VPS35: variants seen among roughly 807,000 people sequenced by gnomAD.
The protein encoded by VPS35 is vacuolar protein sorting-associated protein 35.
A neutral mutation model predicts 98.1 loss-of-function variants in VPS35; 21 were observed. The ratio of observed to expected loss-of-function variants is 0.21; its 90% CI spans 0.15 to 0.31. The LOEUF is 0.31. Ranked by LOEUF, VPS35 falls within the 10% of genes least tolerant of loss-of-function variation. The probability of loss-of-function intolerance (pLI) is 1.00; values close to 1 mark genes in which losing one functional copy is unlikely to be tolerated. For synonymous variants in VPS35, 268 were observed against 318.2 expected (o/e 0.84, Z 1.68); for missense variants, 554 against 950.8 (o/e 0.58, Z 5.49).
At position 46,672,316 on chromosome 16, in the gene VPS35, A is replaced by G. The variant is rs187425753; in HGVS notation, c.1317T>C (p.Tyr439=). The G allele has an allele frequency of 2.1e-4, 336 of 1,613,884 alleles. 1 individual carries two copies. The East Asian group carries it at 7.3e-3, about 35-fold the overall frequency. The change falls in exon 11 of 17, where the codon TAT becomes TAC. Residue 439 remains tyrosine, a synonymous_variant. Coordinates refer to ENST00000299138, the MANE Select transcript of VPS35 (RefSeq NM_018206.6). The part of the protein sequence containing the change: ...DYESRKSMSC[Y]VLSNVLDYNT... The stretch of plus-strand genomic sequence containing the variant: ...TATAATCCAGAACATTACTAAGCAC[A>G]TAACAACTCATGCTCTTTCTGGACT...
At chr16:46,671,054 G>GTT (rs1414360527) in intron 12 of VPS35, among the ~76,000 whole-genome samples, 2 of 151,254 alleles carry the variant, frequency 1.3e-5, no homozygotes, top group Non-Finnish European at 2.9e-5. Context: ...CAGGCAACAT[G>GTT]TTTTATCCAT....
chr16:46,665,251 A>C (rs1965971118), intron 13 of VPS35, among the ~76,000 whole-genome samples: 1 of 152,228 alleles, frequency 6.6e-6, no homozygotes, highest in Admixed American at 6.5e-5. Context: ...ATCATGATTG[A>C]CTATCCAAAT....
chr16:46,668,908 A>G (rs1966027713), intron 13 of VPS35, 22 bp downstream of exon 13: 2 of 1,613,658 alleles, frequency 1.2e-6, no homozygotes, highest in Non-Finnish European at 1.7e-6. Context: ...AAAAGTACCT[A>G]AATACTTAAA....
intron 13 of VPS35, among the ~76,000 whole-genome samples, chr16:46,666,659 T>C (rs1431845072): frequency 6.6e-6 from 1 of 152,230 alleles, no homozygotes; most frequent in Non-Finnish European, 1.5e-5. Context: ...AATGAAGTCA[T>C]ATAGTATTTG....
rs753188016 is a variant in VPS35, at chr16:46,658,305, G to T, written c.*2167C>A. 1 of 153,670 alleles carries T rather than the reference G, an allele frequency of 6.5e-6. No homozygotes were observed. The highest frequency in any genetic ancestry group is 6.5e-5 in the Admixed American group (1 of 15,270). The allele number at this position is 153,670 out of a possible 1,614,324, so 9.5% of individuals were successfully genotyped here. A position where few individuals can be genotyped will look rare whatever the true frequency, so the allele number is the denominator to read the frequency against. ...CCTGCACAAACCCTTACCATCTTCTGTAACTACAGGTCTGTCTTCACAGCA... is the reference window on the plus strand; with the variant it reads ...CCTGCACAAACCCTTACCATCTTCTTTAACTACAGGTCTGTCTTCACAGCA... On this transcript the variant is annotated 3_prime_UTR_variant, in exon 17 of 17. Transcript: ENST00000299138.
rs921382439 is a variant in VPS35 at position 46,657,420 on chromosome 16, A to G, written c.*3052T>C. 2.6e-5 allele frequency: 4 copies of G among 152,324 alleles called. No homozygotes were observed. The Middle Eastern group carries it at 0.01, about 389-fold the overall frequency. 9.4% of individuals were successfully genotyped at this position (152,324 alleles called of 1,614,324 possible). ...AAATGTTAACAGAAGACCCCTCTGG[A>G]ACCTAGACTTTGTGTTTAAATCCCC... On this transcript the variant is annotated 3_prime_UTR_variant, in exon 17 of 17. Coordinates refer to ENST00000299138, the MANE Select transcript of VPS35 (RefSeq NM_018206.6).
intron 7 of VPS35, among the ~76,000 whole-genome samples, chr16:46,677,062 T>A (rs1159519767): frequency 3.3e-5 from 5 of 151,888 alleles, no homozygotes; most frequent in East Asian, 1.9e-4. Flanking sequence ...ACTAAAAAAA[T>A]TTTTTTAATT....
intron 1 of VPS35, chr16:46,688,827 T>C: frequency 7.2e-7 from 1 of 1,380,306 alleles, no homozygotes. Context: ...GGTGACCGAT[T>C]CCACTTAAAG....
chr16:46,660,485 C>A lies in VPS35; in HGVS notation c.2378G>T (p.Gly793Val). ...SPESEGPIYE[G>V]LIL ...GCTATTTCCTTTTTAAAGGATGAGA[C>A]CTTCATAAATTGGCCCCTCGGATTC... Residue 793 changes from glycine (G) to valine (V), a missense_variant, in exon 17 of 17, where the codon GGT becomes GTT. Gly to Val is a moderately radical substitution (Grantham distance 109). Coordinates refer to ENST00000299138, the MANE Select transcript of VPS35 (RefSeq NM_018206.6). 5 of 1,613,886 alleles carry A rather than the reference C, an allele frequency of 3.1e-6. No homozygotes were observed. The highest frequency in any genetic ancestry group is 4.2e-6 in the Non-Finnish European group (5 of 1,179,990).
At chr16:46,665,926 C>T (rs1965982433) in intron 13 of VPS35, among the ~76,000 whole-genome samples, 1 of 151,668 alleles carries the variant, frequency 6.6e-6, no homozygotes, top group Non-Finnish European at 1.5e-5. Context: ...TTTTTTGAGA[C>T]AGAGTCTCAC....
In VPS35 at chr16:46,659,029, G is replaced by C. The variant is rs1965870181; in HGVS notation, c.*1443C>G. ...CAGGGAGGCCACTGAAAGGCACTGT[G>C]GTTTCCTTCTTGCTTTCATACTCAG... On this transcript the variant is annotated 3_prime_UTR_variant, in exon 17 of 17. Transcript: ENST00000299138. The C allele has an allele frequency of 6.6e-6, 1 of 152,298 alleles. No homozygotes were observed. Among genetic ancestry groups the C allele is most frequent in the Non-Finnish European group, 1.5e-5 (1 of 68,102 alleles). The allele number at this position is 152,298 out of a possible 1,614,324, so 9.4% of individuals were successfully genotyped here. A position where few individuals can be genotyped will look rare whatever the true frequency, so the allele number is the denominator to read the frequency against.
chr16:46,679,584 A>G (rs995545500), intron 5 of VPS35, among the ~76,000 whole-genome samples: 3 of 152,204 alleles, frequency 2.0e-5, no homozygotes, highest in South Asian at 2.1e-4. Flanking sequence ...CAAAAACAAA[A>G]GGCTAAAAAA....
intron 3 of VPS35, chr16:46,681,713 T>C (rs1371827508): frequency 1.4e-5 from 8 of 589,042 alleles, no homozygotes; most frequent in Non-Finnish European, 2.4e-5. Context: ...GTAAATACAA[T>C]GGTTACCTGT....
chr16:46,660,524 C>T lies in VPS35; in HGVS notation c.2339G>A (p.Arg780Gln), dbSNP rs910938026. ...CCCCTCGGATTCTGGTGATTCCCGC[C>T]GCAAGCGCAAATGCTCCAGTGTGTT... ...FHNTLEHLRL[R>Q]RESPESEGPI... The change falls in exon 17 of 17, where the codon CGG (arginine) becomes CAG (glutamine). Residue 780 changes from arginine to glutamine, a missense_variant. Arg to Gln is a conservative substitution (Grantham distance 43). Transcript: ENST00000299138. 1.6e-5 allele frequency: 26 copies of T among 1,613,866 alleles called. No individual in the cohort carries two copies. The highest frequency in any genetic ancestry group is 2.2e-5 in the South Asian group (2 of 91,078).
intron 12 of VPS35, among the ~76,000 whole-genome samples, chr16:46,670,160 G>T (rs1442104162): frequency 6.6e-6 from 1 of 152,140 alleles, no homozygotes; most frequent in African/African-American, 2.4e-5. Flanking sequence ...TGGCATTCAG[G>T]TTTTGTGAAA....
chr16:46,677,307 C>T lies in VPS35; in HGVS notation c.804+8G>A. The T allele has an allele frequency of 6.2e-7, 1 of 1,612,224 alleles. No individual in the cohort carries two copies. Among genetic ancestry groups the T allele is most frequent in the Non-Finnish European group, 8.5e-7 (1 of 1,178,440 alleles). On this transcript the variant is annotated splice_region_variant and intron_variant, in intron 7 of 16. Transcript: ENST00000299138. The stretch of plus-strand genomic sequence containing the variant: ...TCGTTTAAAAAAAAATGAAATGTTC[C>T]CAGCTACCTGAATAATACACTCCAT...
chr16:46,682,530 G>T (rs1043832847), intron 2 of VPS35: 6 of 258,138 alleles, frequency 2.3e-5, no homozygotes, highest in African/African-American at 1.3e-4. Context: ...ATACTATCCT[G>T]ACATGGCTTT....
chr16:46,680,576 T>C, intron 5 of VPS35, 95 bp downstream of exon 5: 2 of 1,356,494 alleles, frequency 1.5e-6, no homozygotes, highest in Non-Finnish European at 2.1e-6. Flanking sequence ...GGTGGAAGAA[T>C]TATTCACACT....
At chr16:46,671,573 G>T in intron 12 of VPS35, 132 bp downstream of exon 12, 2 of 1,329,566 alleles carry the variant, frequency 1.5e-6, no homozygotes, top group South Asian at 2.5e-5. Flanking sequence ...CCAGGTTCAA[G>T]TGAATCTTTA....
Sources: gnomAD v4.1 joint callset for allele counts (sites outside exome capture counted in the v4.1 genomes callset) on GRCh38, gnomAD v4.1.1 for gene constraint, MANE v1.5 for transcripts, NCBI Gene and HGNC (gene_info 2026-07-23, HGNC 2026-07-21) for gene names.